Variants in USP34 observed in about 807,000 individuals in gnomAD.
USP34 encodes ubiquitin carboxyl-terminal hydrolase 34.
In USP34, 70 loss-of-function variants were observed where a neutral mutation model predicts 460.3. The ratio of observed to expected loss-of-function variants is 0.15; its 90% CI spans 0.13 to 0.19. USP34 has a LOEUF of 0.19. Ranked by LOEUF, USP34 falls within the 10% of genes least tolerant of loss-of-function variation. USP34 has a pLI of 1.00. For synonymous variants in USP34, 1,647 were observed against 1,405.3 expected, an observed-to-expected ratio of 1.17 and a Z score of -3.85; for missense variants, 3,985 against 4,236.2, an observed-to-expected ratio of 0.94 and a Z score of 1.65.
intron 1 of USP34, among the ~76,000 whole-genome samples, chr2:61,449,563 A>G (rs1573054245): frequency 6.6e-6 from 1 of 152,122 alleles, no homozygotes; most frequent in East Asian, 1.9e-4. Flanking sequence ...CTGACTTCCA[A>G]TCTTATTACA....
chr2:61,361,420 C>A lies in USP34; in HGVS notation c.1251+8901G>T, dbSNP rs548545992. On this transcript the variant is annotated intron_variant, in intron 10 of 79. Transcript: ENST00000398571. Reference sequence around the variant, plus strand: ...CTGGACAACAGAGCAAGACCCTGTCCATTAAAAATACATATTATATATGGC... The same window carrying A: ...CTGGACAACAGAGCAAGACCCTGTCAATTAAAAATACATATTATATATGGC... Among the ~76,000 whole-genome samples, 11 of 152,176 alleles carry A rather than the reference C, an allele frequency of 7.2e-5. No individual in the cohort carries two copies. In the East Asian group the frequency reaches 1.9e-3, roughly 27 times the overall value.
In USP34 at chr2:61,188,022, A is replaced by G. The variant is rs539386138; in HGVS notation, c.*80T>C. On this transcript the variant is annotated 3_prime_UTR_variant, in exon 80 of 80. Transcript: ENST00000398571. ...AGAGCACTGGACAAACTGAAGCACA[A>G]AAACAAATAAGCAAAACTTATACAA... 5.8e-5 allele frequency: 89 copies of G among 1,525,702 alleles called. 3 individuals are homozygous for G. The South Asian group carries it at 1.1e-3, about 18-fold the overall frequency. 94.5% of individuals were successfully genotyped at this position (1,525,702 alleles called of 1,614,324 possible).
intron 3 of USP34, among the ~76,000 whole-genome samples, chr2:61,397,538 G>A (rs937817625): frequency 8.5e-5 from 13 of 152,160 alleles, no homozygotes; most frequent in Middle Eastern, 3.4e-3. Context: ...GGCCAAGGCC[G>A]GCGAATCACT....
intron 1 of USP34, among the ~76,000 whole-genome samples, chr2:61,425,218 T>C (rs755973613): frequency 1.3e-5 from 2 of 151,676 alleles, no homozygotes; most frequent in Non-Finnish European, 2.9e-5. Context: ...AAGATCTACA[T>C]AGAAAAAACA....
chr2:61,385,671 C>CAAAAAAAAA (rs61200102), intron 5 of USP34, among the ~76,000 whole-genome samples: 9 of 46,000 alleles, frequency 2.0e-4, no homozygotes, highest in African/African-American at 3.8e-4. Flanking sequence ...GACTCTGTCT[C>CAAAAAAAAA]AAAAAAAAAA....
Position 61,259,673 on chromosome 2 carries a change from A to G in USP34, c.5844+38T>C, listed in dbSNP as rs758585221. ...AATGCTATAATTACAGGCATGAGCC[A>G]CAGTGCCTGGCCTAGCCTCCATGAT... On this transcript the variant is annotated intron_variant, in intron 44 of 79. Coordinates refer to ENST00000398571, the MANE Select transcript of USP34 (RefSeq NM_014709.4). The G allele has an allele frequency of 2.5e-6, 4 of 1,594,326 alleles. No individual in the cohort carries two copies. In the East Asian group the frequency reaches 6.7e-5, roughly 27 times the overall value.
chr2:61,212,447 C>T (rs1687296054), intron 68 of USP34, among the ~76,000 whole-genome samples: 1 of 152,110 alleles, frequency 6.6e-6, no homozygotes, highest in Non-Finnish European at 1.5e-5. Context: ...TTTTAAATGC[C>T]TAAATAACCC....
intron 1 of USP34, among the ~76,000 whole-genome samples, chr2:61,427,750 G>T (rs979155307): frequency 6.6e-6 from 1 of 152,178 alleles, no homozygotes. Context: ...GTAAGAATTA[G>T]TGAGTTCAAA....
intron 72 of USP34, 140 bp downstream of exon 72, chr2:61,205,877 T>C (rs189597736): frequency 8.4e-6 from 5 of 596,148 alleles, no homozygotes; most frequent in East Asian, 2.8e-5. Flanking sequence ...CTTTATTTTC[T>C]TAGGACCTGC....
chr2:61,317,561 T>C, intron 23 of USP34, 93 bp downstream of exon 23: 2 of 1,148,428 alleles, frequency 1.7e-6, no homozygotes, highest in Non-Finnish European at 2.5e-6. Context: ...AGGTAGTAAA[T>C]TCTATACTTT....
chr2:61,459,275 T>C (rs1053881378), intron 1 of USP34, among the ~76,000 whole-genome samples: 2 of 152,230 alleles, frequency 1.3e-5, no homozygotes, highest in Non-Finnish European at 2.9e-5. Flanking sequence ...CCCCTGCTAC[T>C]TCTTTGCTGT....
At chr2:61,424,953 G>A (rs1480244179) in intron 1 of USP34, among the ~76,000 whole-genome samples, 1 of 151,934 alleles carries the variant, frequency 6.6e-6, no homozygotes, top group Non-Finnish European at 1.5e-5. Flanking sequence ...CTGAGTAGCT[G>A]GAATTACAGG....
At chr2:61,392,416 G>C (rs1374547032) in intron 5 of USP34, among the ~76,000 whole-genome samples, 2 of 152,150 alleles carry the variant, frequency 1.3e-5, no homozygotes, top group African/African-American at 4.8e-5. Flanking sequence ...AGGAGGTCAG[G>C]AGTTCGAGAC....
intron 20 of USP34, among the ~76,000 whole-genome samples, chr2:61,330,692 T>C (rs557831019): frequency 6.6e-6 from 1 of 152,162 alleles, no homozygotes; most frequent in South Asian, 2.1e-4. Flanking sequence ...GAATCTCCTA[T>C]GCATCTCCTT....
intron 21 of USP34, among the ~76,000 whole-genome samples, chr2:61,321,849 G>C (rs528479632): frequency 3.3e-5 from 5 of 152,310 alleles, no homozygotes; most frequent in Admixed American, 3.3e-4. Context: ...GTTAAGGTTT[G>C]AGTATTATAA....
intron 35 of USP34, among the ~76,000 whole-genome samples, chr2:61,284,350 C>A (rs1478628586): frequency 2.0e-5 from 3 of 152,062 alleles, no homozygotes; most frequent in African/African-American, 7.2e-5. Flanking sequence ...AATAACTGGC[C>A]TGCATTACTT....
intron 39 of USP34, among the ~76,000 whole-genome samples, chr2:61,278,670 TAATAA>T (rs928093569): frequency 5.9e-5 from 9 of 152,226 alleles, no homozygotes; most frequent in Admixed American, 4.6e-4. Context: ...GGAATGTTGA[TAATAA>T]AATAAGTCAA....
intron 75 of USP34, among the ~76,000 whole-genome samples, chr2:61,196,857 A>G (rs1436723441): frequency 6.6e-6 from 1 of 152,114 alleles, no homozygotes; most frequent in African/African-American, 2.4e-5. Flanking sequence ...CTCTATATCT[A>G]TTTTCCACAA....
At chr2:61,399,311 C>A (rs534806671) in intron 3 of USP34, among the ~76,000 whole-genome samples, 1 of 150,960 alleles carries the variant, frequency 6.6e-6, no homozygotes, top group African/African-American at 2.4e-5. Flanking sequence ...CCACCGCACT[C>A]CAGCCTGGGC....
Sources: gnomAD v4.1 joint callset for allele counts (sites outside exome capture counted in the v4.1 genomes callset) on GRCh38, gnomAD v4.1.1 for gene constraint, MANE v1.5 for transcripts, NCBI Gene and HGNC (gene_info 2026-07-23, HGNC 2026-07-21) for gene names.